OVCH1: variants seen among roughly 807,000 people sequenced by gnomAD.
OVCH1 encodes ovochymase-1.
Under a neutral mutation model 138.4 loss-of-function variants are expected in OVCH1, and 139 were observed. The ratio of observed to expected loss-of-function variants is 1.00; its 90% CI spans 0.87 to 1.16. The LOEUF is 1.16. OVCH1 is among the 50% of genes most tolerant of loss of function. The probability of loss-of-function intolerance (pLI) is 0.00; values close to 1 mark genes in which losing one functional copy is unlikely to be tolerated. For synonymous variants in OVCH1, 453 were observed against 467.8 expected, an observed-to-expected ratio of 0.97 and a Z score of 0.41; for missense variants, 1,367 against 1,357.9, an observed-to-expected ratio of 1.01 and a Z score of -0.11.
chr12:29,463,294 GC>G (rs998943843), intron 18 of OVCH1, among the ~76,000 whole-genome samples: 3 of 152,172 alleles, frequency 2.0e-5, no homozygotes, highest in African/African-American at 7.2e-5. Flanking sequence ...AGCAATGTGG[GC>G]CACGAAAGGA....
At chr12:29,417,452 C>G (rs1303290036) in intron 3 of OVCH1, among the ~76,000 whole-genome samples, 2 of 113,032 alleles carry the variant, frequency 1.8e-5, no homozygotes, top group East Asian at 5.1e-4. Context: ...GACAGAAACA[C>G]TCCGTCTCAA....
chr12:29,467,872 G>C (rs1327869480), intron 16 of OVCH1, among the ~76,000 whole-genome samples: 1 of 152,136 alleles, frequency 6.6e-6, no homozygotes, highest in Non-Finnish European at 1.5e-5. Flanking sequence ...ATTAATACTG[G>C]AGTCAACCAG....
intron 19 of OVCH1, among the ~76,000 whole-genome samples, chr12:29,456,004 G>A (rs1183720484): frequency 6.6e-6 from 1 of 152,210 alleles, no homozygotes; most frequent in African/African-American, 2.4e-5. Flanking sequence ...AAAAGTTAAA[G>A]GCTGACTTAA....
intron 4 of OVCH1, among the ~76,000 whole-genome samples, chr12:29,493,410 G>A (rs1207774926): frequency 2.0e-4 from 30 of 152,080 alleles, no homozygotes; most frequent in Admixed American, 1.9e-3. Context: ...GAGTTACTAA[G>A]CTTTTTAAAT....
chr12:29,430,933 G>T (rs374017699), intron 27 of OVCH1: 3 of 517,224 alleles, frequency 5.8e-6, no homozygotes, highest in African/African-American at 5.8e-5. Flanking sequence ...GTACCCCTGT[G>T]AGTCCAGGCA....
intron 19 of OVCH1, among the ~76,000 whole-genome samples, chr12:29,455,683 T>C (rs1385267875): frequency 6.6e-6 from 1 of 152,166 alleles, no homozygotes; most frequent in African/African-American, 2.4e-5. Flanking sequence ...CCCAGCCCCA[T>C]CGGAGGGAGA....
chr12:29,456,130 TA>T (rs1258626194), intron 19 of OVCH1, among the ~76,000 whole-genome samples: 5 of 152,226 alleles, frequency 3.3e-5, no homozygotes, highest in African/African-American at 1.2e-4. Context: ...TTTAACTTAC[TA>T]GGATATTAGA....
At chr12:29,464,597 C>T (rs764673982) in exon 18 of OVCH1, 1 of 1,613,650 alleles carries the variant, frequency 6.2e-7, no homozygotes, top group East Asian at 2.2e-5. Context: ...GGCCTCACCA[C>T]CGAGTTGTAC....
At chr12:29,444,371 T>C in intron 23 of OVCH1, 91 bp from the exon 24 acceptor site, 1 of 1,306,788 alleles carries the variant, frequency 7.7e-7, no homozygotes, top group Non-Finnish European at 1.0e-6. Flanking sequence ...AACAGCTCTC[T>C]TCCCTAATTG....
At chr12:29,404,633 G>T in the OVCH1 span, among the ~76,000 whole-genome samples, 1 of 152,150 alleles carries the variant, frequency 6.6e-6, no homozygotes, top group African/African-American at 2.4e-5. Context: ...AAATGGCCAG[G>T]TGATGGTTTT....
At chr12:29,471,405 G>A (rs1592084270) in intron 16 of OVCH1, among the ~76,000 whole-genome samples, 1 of 152,158 alleles carries the variant, frequency 6.6e-6, no homozygotes, top group African/African-American at 2.4e-5. Flanking sequence ...GGCTTGTGTG[G>A]TAAGGCGTCT....
exon 18 of OVCH1, chr12:29,464,555 A>C (rs1249851608): frequency 1.2e-6 from 2 of 1,613,460 alleles, no homozygotes; most frequent in Non-Finnish European, 1.7e-6. Context: ...TCCGAGGAAA[A>C]TAGAGGCTCT....
chr12:29,449,660 T>C (rs1941723854), intron 22 of OVCH1, among the ~76,000 whole-genome samples: 1 of 152,088 alleles, frequency 6.6e-6, no homozygotes, highest in Non-Finnish European at 1.5e-5. Context: ...TTGGCTGTTA[T>C]ATTGGTGTAT....
At chr12:29,480,930 T>C (rs1337705092) in intron 8 of OVCH1, among the ~76,000 whole-genome samples, 1 of 152,204 alleles carries the variant, frequency 6.6e-6, no homozygotes, top group Non-Finnish European at 1.5e-5. Flanking sequence ...TTTTCACATT[T>C]GCACATTCTA....
intron 19 of OVCH1, among the ~76,000 whole-genome samples, chr12:29,458,105 T>C (rs1942014432): frequency 6.6e-6 from 1 of 152,012 alleles, no homozygotes. Flanking sequence ...TTAGAAAAAA[T>C]ACCAATGACA....
At chr12:29,412,879 ACG>A (rs1405223278) in intron 3 of OVCH1, among the ~76,000 whole-genome samples, 1 of 152,170 alleles carries the variant, frequency 6.6e-6, no homozygotes, top group Non-Finnish European at 1.5e-5. Flanking sequence ...ACAAAGTCTC[ACG>A]CTGTCATCCA....
chr12:29,407,795 T>C (rs1168330891), downstream of OVCH1, among the ~76,000 whole-genome samples: 1 of 151,234 alleles, frequency 6.6e-6, no homozygotes, highest in African/African-American at 2.4e-5. Flanking sequence ...TGCGGGCTCT[T>C]TTTTGGTTCC....
chr12:29,472,968 A>C, intron 15 of OVCH1, 61 bp downstream of exon 15: 1 of 1,406,310 alleles, frequency 7.1e-7, no homozygotes, highest in South Asian at 1.3e-5. Flanking sequence ...CTTCCAAAAG[A>C]GACATCTAGT....
In OVCH1 at chr12:29,475,192, G is replaced by GA. The variant is rs1158430836; in HGVS notation, c.1472-4dup. 5 of 1,442,308 alleles carry GA rather than the reference G, an allele frequency of 3.5e-6. No individual in the cohort carries two copies. Among genetic ancestry groups the GA allele is most frequent in the East Asian group, 5.3e-5 (2 of 37,856 alleles). 89.3% of individuals were successfully genotyped at this position (1,442,308 alleles called of 1,614,324 possible). The stretch of plus-strand genomic sequence containing the variant: ...GGTCAACATTCCACAAAGTTTAGCT[G>GA]AAAAAATTTTAGGAAAGTTTGATTT... On this transcript the variant is annotated splice_polypyrimidine_tract_variant and splice_region_variant and intron_variant, in intron 13 of 27. Transcript: ENST00000318184.
Sources: allele counts gnomAD v4.1 joint callset (sites outside exome capture counted in the v4.1 genomes callset), GRCh38; gene constraint gnomAD v4.1.1; transcripts MANE v1.5; gene names NCBI Gene and HGNC (gene_info 2026-07-23, HGNC 2026-07-21).